The following TMEM163 variants were observed in gnomAD, a reference collection of about 807,000 sequenced individuals.
TMEM163 encodes the protein transmembrane protein 163.
A neutral mutation model predicts 29.3 loss-of-function variants in TMEM163; 17 were observed. The observed-to-expected ratio is 0.58, with a 90% CI of 0.40 to 0.87. The LOEUF (loss-of-function observed/expected upper bound fraction) is 0.87. Among genes scored for constraint, TMEM163 ranks in the 40% least tolerant of loss-of-function variants. The pLI is 0.00. For missense variants in TMEM163, 303 were observed against 381.5 expected, an observed-to-expected ratio of 0.79 and a Z score of 1.71; for synonymous variants, 157 against 160.6, an observed-to-expected ratio of 0.98 and a Z score of 0.17.
At chr2:134,499,030 C>A (rs1465229346) in intron 5 of TMEM163, among the ~76,000 whole-genome samples, 1 of 152,212 alleles carries the variant, frequency 6.6e-6, no homozygotes, top group African/African-American at 2.4e-5. Context: ...TTGCCACCTG[C>A]CCCTTCTTAC....
chr2:134,669,286 G>A (rs572006397), intron 2 of TMEM163, among the ~76,000 whole-genome samples: 11 of 152,080 alleles, frequency 7.2e-5, no homozygotes, highest in African/African-American at 7.2e-5. Flanking sequence ...TCCCTTCCTC[G>A]GTCACAAGGT....
chr2:134,643,833 T>C lies in TMEM163; in HGVS notation c.322+69367A>G, dbSNP rs182433716. Among the ~76,000 whole-genome samples, 22 of 152,100 alleles carry C rather than the reference T, an allele frequency of 1.4e-4. No individual in the cohort carries two copies. In the South Asian group the frequency reaches 3.1e-3, roughly 21 times the overall value. The stretch of plus-strand genomic sequence containing the variant: ...AGGAAGAAATAAAACTGTCCTTATT[T>C]GCAGATGATATGATTTTCTAAACAG... On this transcript the variant is annotated intron_variant, in intron 2 of 7. Transcript: ENST00000281924.
chr2:134,585,454 C>T (rs1287215893), intron 2 of TMEM163, among the ~76,000 whole-genome samples: 1 of 152,130 alleles, frequency 6.6e-6, no homozygotes, highest in African/African-American at 2.4e-5. Flanking sequence ...ATTAAAAATA[C>T]CTGGAATGGC....
chr2:134,708,761 A>G (rs1241230238), intron 2 of TMEM163, among the ~76,000 whole-genome samples: 1 of 151,766 alleles, frequency 6.6e-6, no homozygotes, highest in Non-Finnish European at 1.5e-5. Context: ...TAATTTGTGT[A>G]TATTTTTTAG....
intron 6 of TMEM163, among the ~76,000 whole-genome samples, chr2:134,463,163 C>A (rs116308287): frequency 6.5e-4 from 99 of 152,266 alleles, no homozygotes; most frequent in African/African-American, 2.3e-3. Context: ...TGAGGGAAGC[C>A]GAGGCCAGCC....
chr2:134,641,538 T>C (rs1020593894), intron 2 of TMEM163, among the ~76,000 whole-genome samples: 13 of 152,138 alleles, frequency 8.5e-5, no homozygotes, highest in African/African-American at 2.9e-4. Context: ...AAGCAACAGA[T>C]GGAAGGAGAA....
intron 5 of TMEM163, among the ~76,000 whole-genome samples, chr2:134,490,716 C>T (rs543602980): frequency 3.9e-5 from 6 of 152,258 alleles, no homozygotes; most frequent in African/African-American, 1.4e-4. Flanking sequence ...TCCCAAGTGA[C>T]CACATGGCTC....
chr2:134,558,750 T>G (rs1013649038), intron 2 of TMEM163, among the ~76,000 whole-genome samples: 1 of 152,146 alleles, frequency 6.6e-6, no homozygotes, highest in Non-Finnish European at 1.5e-5. Flanking sequence ...GCAGCAAAAA[T>G]GAGGACCCAT....
chr2:134,569,723 T>C (rs1004095942), intron 2 of TMEM163, among the ~76,000 whole-genome samples: 4 of 152,164 alleles, frequency 2.6e-5, no homozygotes, highest in African/African-American at 7.2e-5. Context: ...ATGTAGCCTT[T>C]TCCTGGGATC....
chr2:134,657,813 A>C (rs1683654415), intron 2 of TMEM163, among the ~76,000 whole-genome samples: 2 of 152,128 alleles, frequency 1.3e-5, no homozygotes, highest in African/African-American at 2.4e-5. Flanking sequence ...CAAAAATAAA[A>C]AATAAAAAAG....
chr2:134,656,054 C>A (rs1367988201), intron 2 of TMEM163, among the ~76,000 whole-genome samples: 1 of 145,022 alleles, frequency 6.9e-6, no homozygotes, highest in Admixed American at 6.8e-5. Flanking sequence ...GGCAGGCCTC[C>A]TTGAGCTGTG....
intron 2 of TMEM163, among the ~76,000 whole-genome samples, chr2:134,691,443 C>T (rs1684463877): frequency 6.6e-6 from 1 of 152,196 alleles, no homozygotes; most frequent in Admixed American, 6.5e-5. Flanking sequence ...TTTGCTTTCC[C>T]TCTGTTTGAC....
intron 2 of TMEM163, among the ~76,000 whole-genome samples, chr2:134,562,489 G>C (rs1351893763): frequency 6.6e-6 from 1 of 152,196 alleles, no homozygotes; most frequent in Non-Finnish European, 1.5e-5. Context: ...GTCACCCAAG[G>C]TCATCCTTGC....
intron 4 of TMEM163, among the ~76,000 whole-genome samples, chr2:134,546,323 G>A (rs1446554321): frequency 6.6e-6 from 1 of 152,138 alleles, no homozygotes; most frequent in African/African-American, 2.4e-5. Flanking sequence ...TAAACAAAAT[G>A]TGGCATATAT....
chr2:134,467,278 C>A (rs1162786510), intron 5 of TMEM163: 1 of 152,200 alleles, frequency 6.6e-6, no homozygotes, highest in African/African-American at 2.4e-5. Context: ...AATCTCCCCA[C>A]CCCATCCCCT....
chr2:134,643,957 C>A (rs1683277068), intron 2 of TMEM163, among the ~76,000 whole-genome samples: 1 of 151,814 alleles, frequency 6.6e-6, no homozygotes, highest in South Asian at 2.1e-4. Context: ...CACACTAAAA[C>A]CAGCCATATT....
intron 2 of TMEM163, among the ~76,000 whole-genome samples, chr2:134,710,313 G>C (rs1462492430): frequency 6.6e-6 from 1 of 152,148 alleles, no homozygotes; most frequent in Non-Finnish European, 1.5e-5. Context: ...CTGAGGAAAA[G>C]AGGTGTGCCC....
intron 2 of TMEM163, among the ~76,000 whole-genome samples, chr2:134,710,887 T>C (rs1057217171): frequency 2.6e-5 from 4 of 152,316 alleles, no homozygotes; most frequent in East Asian, 1.9e-4. Context: ...AGTAATTCTA[T>C]AGCAATCCTC....
At chr2:134,594,114 C>T (rs953473496) in intron 2 of TMEM163, among the ~76,000 whole-genome samples, 4 of 152,116 alleles carry the variant, frequency 2.6e-5, no homozygotes, top group Non-Finnish European at 4.4e-5. Flanking sequence ...CAGAACTTCC[C>T]CACCTTACCC....
Sources: gnomAD v4.1 joint callset for allele counts (sites outside exome capture counted in the v4.1 genomes callset) on GRCh38, gnomAD v4.1.1 for gene constraint, MANE v1.5 for transcripts, NCBI Gene and HGNC (gene_info 2026-07-23, HGNC 2026-07-21) for gene names.